The following TFG variants were observed in gnomAD, a reference collection of about 807,000 sequenced individuals.
The protein encoded by TFG is protein TFG.
A neutral mutation model predicts 51.4 loss-of-function variants in TFG; 22 were observed. That is an observed-to-expected ratio of 0.43 (90% confidence interval 0.31 to 0.61). The LOEUF is 0.61. Among genes scored for constraint, TFG ranks in the 20% least tolerant of loss-of-function variants. TFG has a pLI of 0.12. For missense variants in TFG, 419 were observed against 487.7 expected, an observed-to-expected ratio of 0.86 and a Z score of 1.33; for synonymous variants, 187 against 165.6, an observed-to-expected ratio of 1.13 and a Z score of -0.99.
intron 6 of TFG, 40 bp downstream of exon 6, chr3:100,736,756 G>A (rs2095107677): frequency 6.3e-7 from 1 of 1,589,674 alleles, no homozygotes; most frequent in South Asian, 1.1e-5. Flanking sequence ...GAAAGTACAT[G>A]TGTAGAAGTG....
chr3:100,725,245 C>T (rs975831962), intron 3 of TFG, among the ~76,000 whole-genome samples: 18 of 151,966 alleles, frequency 1.2e-4, no homozygotes, highest in African/African-American at 3.1e-4. Context: ...GCATTTATTA[C>T]GTAGAACAAC....
chr3:100,722,333 A>G (rs2095063224), intron 3 of TFG, among the ~76,000 whole-genome samples: 1 of 152,228 alleles, frequency 6.6e-6, no homozygotes. Context: ...TAGTGAACTG[A>G]AAAGGAAATC....
Position 100,748,302 on chromosome 3 carries a change from C to T in TFG, c.974C>T (p.Pro325Leu). The change falls in exon 8 of 8, where the codon CCT becomes CTT. Residue 325 changes from proline (P) to leucine (L), a missense_variant. Coordinates refer to ENST00000240851, the MANE Select transcript of TFG (RefSeq NM_006070.6). ...PPQQYQASNY[P>L]AQTYTAQTSQ... The stretch of plus-strand genomic sequence containing the variant: ...CAGCAGTACCAGGCGAGCAATTATC[C>T]TGCACAAACTTACACTGCCCAAACT... The T allele has an allele frequency of 6.2e-7, 1 of 1,614,084 alleles. No individual in the cohort carries two copies. The highest frequency in any genetic ancestry group is 2.2e-5 in the East Asian group (1 of 44,872).
intron 4 of TFG, 110 bp from the exon 5 acceptor site, chr3:100,732,398 A>G (rs2149082514): frequency 3.1e-6 from 2 of 653,246 alleles, no homozygotes; most frequent in Non-Finnish European, 5.0e-6. Flanking sequence ...CGACATGCTT[A>G]ACATTCCAGA....
At chr3:100,713,051 G>A (rs1049534105) in intron 1 of TFG, among the ~76,000 whole-genome samples, 1 of 152,178 alleles carries the variant, frequency 6.6e-6, no homozygotes, top group African/African-American at 2.4e-5. Flanking sequence ...ATGATACTAG[G>A]TTTTACTTAA....
At position 100,740,995 on chromosome 3, in the gene TFG, A is replaced by G. The variant is rs72928650; in HGVS notation, c.722-3838A>G. On this transcript the variant is annotated intron_variant, in intron 6 of 7. Coordinates refer to ENST00000240851, the MANE Select transcript of TFG (RefSeq NM_006070.6). ...CATAATGTAGCACAAGGCATTACTT[A>G]CGTGTTTGTGGTGATTCTGGTGTAA... 9.6e-3 allele frequency among the ~76,000 whole-genome samples: 1,462 copies of G among 152,250 alleles called. 23 individuals carry two copies. Among genetic ancestry groups the G allele is most frequent in the African/African-American group, 0.034 (1,395 of 41,548 alleles).
intron 3 of TFG, 127 bp from the exon 4 acceptor site, chr3:100,728,585 A>G: frequency 1.4e-6 from 1 of 701,882 alleles, no homozygotes; most frequent in Non-Finnish European, 2.2e-6. Context: ...AAAAAAAGTT[A>G]CTCCATTACA....
chr3:100,715,964 G>A (rs894769429), intron 2 of TFG, among the ~76,000 whole-genome samples: 2 of 147,250 alleles, frequency 1.4e-5, no homozygotes, highest in African/African-American at 2.5e-5. Context: ...AATAATAATT[G>A]TACATATTTA....
At chr3:100,742,750 C>T (rs1022395719) in intron 6 of TFG, 5 of 151,952 alleles carry the variant, frequency 3.3e-5, no homozygotes, top group African/African-American at 4.8e-5. Flanking sequence ...AGTGTTTTAA[C>T]GAAACAATGT....
intron 7 of TFG, among the ~76,000 whole-genome samples, chr3:100,747,806 CCCT>C (rs2095146525): frequency 6.6e-6 from 1 of 152,030 alleles, no homozygotes. Flanking sequence ...AGTAGGTCTC[CCCT>C]GAAAACCTGG....
intron 4 of TFG, among the ~76,000 whole-genome samples, chr3:100,729,315 T>G (rs2149078864): frequency 6.6e-6 from 1 of 152,330 alleles, no homozygotes; most frequent in African/African-American, 2.4e-5. Flanking sequence ...TTAGTAATGT[T>G]CATTAAAAAT....
chr3:100,718,372 G>C (rs2095051910), intron 2 of TFG, among the ~76,000 whole-genome samples: 2 of 152,034 alleles, frequency 1.3e-5, no homozygotes, highest in Non-Finnish European at 2.9e-5. Context: ...TTGTAGCTTT[G>C]TGGGTCACAT....
chr3:100,720,388 G>C (rs2095057457), intron 3 of TFG, among the ~76,000 whole-genome samples: 1 of 152,152 alleles, frequency 6.6e-6, no homozygotes, highest in Non-Finnish European at 1.5e-5. Flanking sequence ...TCACATTACA[G>C]TATGTTGTTA....
chr3:100,712,555 C>CAGG (rs2095034074), intron 1 of TFG, among the ~76,000 whole-genome samples: 1 of 152,168 alleles, frequency 6.6e-6, no homozygotes, highest in South Asian at 2.1e-4. Flanking sequence ...AGATAACATT[C>CAGG]AGGAACATCT....
chr3:100,744,819 G>T lies in TFG; in HGVS notation c.722-14G>T, dbSNP rs1032512545. 1.4e-5 allele frequency: 23 copies of T among 1,587,304 alleles called. No individual in the cohort carries two copies. The highest frequency in any genetic ancestry group is 5.0e-5 in the Admixed American group (3 of 59,766). ...ATGCCTTTTTTCCTTGTGTGTGTGT[G>T]TGTGTGTTTTCAGGTCAGATGTACC... On this transcript the variant is annotated splice_polypyrimidine_tract_variant and intron_variant, in intron 6 of 7. Coordinates refer to ENST00000240851, the MANE Select transcript of TFG (RefSeq NM_006070.6).
chr3:100,712,969 G>C (rs1163106119), intron 1 of TFG, among the ~76,000 whole-genome samples: 1 of 152,236 alleles, frequency 6.6e-6, no homozygotes, highest in Non-Finnish European at 1.5e-5. Flanking sequence ...TACTTGGCCA[G>C]GGACTGGAGG....
chr3:100,748,539 C>G lies in TFG; in HGVS notation c.*8C>G. On this transcript the variant is annotated 3_prime_UTR_variant, in exon 8 of 8. Coordinates refer to ENST00000240851, the MANE Select transcript of TFG (RefSeq NM_006070.6). ...GGACCTGGTTATCGATAAGGAGGCT[C>G]CTCTACACCAATTAATGTAGCTGCT... 1 of 1,596,044 alleles carries G rather than the reference C, an allele frequency of 6.3e-7. No individual in the cohort carries two copies. The highest frequency in any genetic ancestry group is 8.6e-7 in the Non-Finnish European group (1 of 1,168,228).
In TFG at chr3:100,737,384, A is replaced by G. The variant is rs1163290798; in HGVS notation, c.721+668A>G. On this transcript the variant is annotated intron_variant, in intron 6 of 7. Coordinates refer to ENST00000240851, the MANE Select transcript of TFG (RefSeq NM_006070.6). ...GAATGAAATATAACCTGAAAGCTCC[A>G]TATTTAAAATAGGGGATTGAAGGGC... Among the ~76,000 whole-genome samples, 4 of 152,374 alleles carry G rather than the reference A, an allele frequency of 2.6e-5. No homozygotes were observed. In the East Asian group the frequency reaches 7.7e-4, roughly 29 times the overall value.
At chr3:100,736,842 C>T in intron 6 of TFG, 126 bp downstream of exon 6, 4 of 1,053,840 alleles carry the variant, frequency 3.8e-6, no homozygotes, top group Non-Finnish European at 5.4e-6. Flanking sequence ...GATTTACTGA[C>T]ATGATTTGAT....
Sources: gnomAD v4.1 joint callset for allele counts (sites outside exome capture counted in the v4.1 genomes callset) on GRCh38, gnomAD v4.1.1 for gene constraint, MANE v1.5 for transcripts, NCBI Gene and HGNC (gene_info 2026-07-23, HGNC 2026-07-21) for gene names.